Variants in ASIC2 observed in about 807,000 individuals in gnomAD.
The protein encoded by ASIC2 is acid sensing ion channel subunit 2, also known as acid-sensing ion channel 2.
ASIC2 carries 25 observed loss-of-function variants against 57.3 expected under a neutral mutation model. The ratio of observed to expected loss-of-function variants is 0.44; its 90% CI spans 0.32 to 0.61. The LOEUF is 0.61. ASIC2 is among the 20% of genes least tolerant of loss of function. The pLI, the probability that ASIC2 is intolerant of heterozygous loss-of-function variation, is 0.06. For missense variants in ASIC2, 641 were observed against 738.1 expected (o/e 0.87, Z 1.52); for synonymous variants, 319 against 307.5 (o/e 1.04, Z -0.39).
At chr17:33,800,396 A>G (rs957722454) in intron 1 of ASIC2, among the ~76,000 whole-genome samples, 3 of 152,120 alleles carry the variant, frequency 2.0e-5, no homozygotes, top group Non-Finnish European at 2.9e-5. Context: ...CTGTGCTTTT[A>G]CCTTGCATAC....
intron 1 of ASIC2, among the ~76,000 whole-genome samples, chr17:33,809,283 C>G (rs1912353672): frequency 6.6e-6 from 1 of 152,200 alleles, no homozygotes; most frequent in Non-Finnish European, 1.5e-5. Context: ...TACTTCATGT[C>G]TGAACCCCAG....
intron 1 of ASIC2, chr17:34,155,669 A>C (rs1213690041): frequency 1.4e-5 from 5 of 351,118 alleles, no homozygotes; most frequent in Non-Finnish European, 2.6e-5. Context: ...GGACCGGACA[A>C]CGGACAGCCC....
intron 1 of ASIC2, among the ~76,000 whole-genome samples, chr17:33,780,098 G>A (rs1911405203): frequency 6.7e-6 from 1 of 149,082 alleles, no homozygotes; most frequent in Non-Finnish European, 1.5e-5. Flanking sequence ...AGCCTTCTGA[G>A]TAGCTGGGAA....
chr17:33,861,556 G>A (rs1597906234), intron 1 of ASIC2, among the ~76,000 whole-genome samples: 2 of 152,282 alleles, frequency 1.3e-5, no homozygotes, highest in East Asian at 3.9e-4. Flanking sequence ...GAGTATGAGA[G>A]AATTGTATCA....
chr17:33,440,782 A>T (rs1025565520), intron 1 of ASIC2, among the ~76,000 whole-genome samples: 1 of 152,206 alleles, frequency 6.6e-6, no homozygotes, highest in Non-Finnish European at 1.5e-5. Context: ...TGTGTACTCA[A>T]ATCTTTTACT....
At chr17:33,620,097 A>G (rs1905736547) in intron 1 of ASIC2, among the ~76,000 whole-genome samples, 1 of 152,148 alleles carries the variant, frequency 6.6e-6, no homozygotes, top group South Asian at 2.1e-4. Flanking sequence ...AAATCCCCTA[A>G]AAGGAAAGTA....
At chr17:33,707,882 A>G (rs897810289) in intron 1 of ASIC2, among the ~76,000 whole-genome samples, 4 of 152,150 alleles carry the variant, frequency 2.6e-5, no homozygotes, top group African/African-American at 9.7e-5. Flanking sequence ...ACTATCTGTA[A>G]GACTCTTCTC....
At chr17:33,900,687 C>A (rs968836041) in intron 1 of ASIC2, among the ~76,000 whole-genome samples, 1 of 152,116 alleles carries the variant, frequency 6.6e-6, no homozygotes, top group Non-Finnish European at 1.5e-5. Context: ...CACTAATAGA[C>A]AGTTTTATAC....
At chr17:33,037,705 G>C (rs569062063) in intron 3 of ASIC2, among the ~76,000 whole-genome samples, 88 of 152,302 alleles carry the variant, frequency 5.8e-4, no homozygotes, top group African/African-American at 2.0e-3. Flanking sequence ...CACAAGAATA[G>C]TTGTAATACG....
chr17:33,323,185 T>A (rs1906936538), intron 1 of ASIC2, among the ~76,000 whole-genome samples: 1 of 152,168 alleles, frequency 6.6e-6, no homozygotes, highest in South Asian at 2.1e-4. Context: ...CCCAGGTATA[T>A]ATTCAACGGA....
At chr17:33,722,799 A>AAAGCACC (rs1361299472) in intron 1 of ASIC2, among the ~76,000 whole-genome samples, 1 of 152,168 alleles carries the variant, frequency 6.6e-6, no homozygotes, top group Non-Finnish European at 1.5e-5. Flanking sequence ...AAAGATATCC[A>AAAGCACC]AAGCACCAAT....
intron 1 of ASIC2, among the ~76,000 whole-genome samples, chr17:33,739,362 A>G (rs1411610439): frequency 6.6e-6 from 1 of 152,236 alleles, no homozygotes; most frequent in Non-Finnish European, 1.5e-5. Flanking sequence ...GACAAGCTGC[A>G]TTCAGGTCTC....
At chr17:33,488,317 A>T (rs1054027427) in intron 1 of ASIC2, among the ~76,000 whole-genome samples, 2 of 152,186 alleles carry the variant, frequency 1.3e-5, no homozygotes, top group African/African-American at 4.8e-5. Context: ...ACCTTCGCAC[A>T]GGCCATCCCC....
chr17:33,928,123 C>T (rs1915860985), intron 1 of ASIC2, among the ~76,000 whole-genome samples: 2 of 152,166 alleles, frequency 1.3e-5, no homozygotes, highest in South Asian at 4.1e-4. Flanking sequence ...GTTTTTTTCC[C>T]CCTGCCAACT....
At chr17:33,796,367 C>CTTGT (rs796654131) in intron 1 of ASIC2, among the ~76,000 whole-genome samples, 4 of 152,198 alleles carry the variant, frequency 2.6e-5, no homozygotes, top group African/African-American at 7.2e-5. Context: ...CCTCAGGATT[C>CTTGT]TTGTTTGCTT....
In ASIC2 at chr17:34,108,016, G is replaced by A. The variant is rs182186617; in HGVS notation, c.555+47962C>T. Reference sequence around the variant, plus strand: ...ATCCTTCTTATGTTCTTTATGTAATGATAAGCAGATATGTGGCTATTTCCT... The same window carrying A: ...ATCCTTCTTATGTTCTTTATGTAATAATAAGCAGATATGTGGCTATTTCCT... On this transcript the variant is annotated intron_variant, in intron 1 of 9. Coordinates refer to the ASIC2 transcript ENST00000359872. 1.5e-3 allele frequency among the ~76,000 whole-genome samples: 224 copies of A among 152,232 alleles called. 1 individual carries two copies. Among genetic ancestry groups the A allele is most frequent in the Non-Finnish European group, 7.8e-4 (53 of 67,992 alleles).
At chr17:33,081,769 G>A (rs1305827620) in intron 3 of ASIC2, among the ~76,000 whole-genome samples, 5 of 152,164 alleles carry the variant, frequency 3.3e-5, no homozygotes, top group African/African-American at 1.2e-4. Flanking sequence ...TTTAGGGGTG[G>A]GGTGAGGGAT....
At chr17:33,708,630 T>C (rs1265528324) in intron 1 of ASIC2, among the ~76,000 whole-genome samples, 1 of 152,168 alleles carries the variant, frequency 6.6e-6, no homozygotes, top group Non-Finnish European at 1.5e-5. Flanking sequence ...CTCTGTTCTC[T>C]ATGGGATGAG....
rs554046043 is a variant in ASIC2, at chr17:33,087,338, C to A, written c.987+1525G>T. The stretch of plus-strand genomic sequence containing the variant: ...ATACCCTTGGATATTCCCTTTTCTG[C>A]TTGCATCACTTGTCTCAGTTTCTGG... On this transcript the variant is annotated intron_variant, in intron 3 of 9. Coordinates refer to ENST00000225823, the MANE Select transcript of ASIC2 (RefSeq NM_183377.2). Among the ~76,000 whole-genome samples the A allele has an allele frequency of 3.9e-5, 6 of 152,172 alleles. No homozygotes were observed. The South Asian group carries it at 1.2e-3, about 32-fold the overall frequency.
Sources: allele counts gnomAD v4.1 joint callset (sites outside exome capture counted in the v4.1 genomes callset), GRCh38; gene constraint gnomAD v4.1.1; transcripts MANE v1.5; gene names NCBI Gene and HGNC (gene_info 2026-07-23, HGNC 2026-07-21).